BRINP3: variants seen among roughly 807,000 people sequenced by gnomAD.
The protein encoded by BRINP3 is BMP/retinoic acid inducible neural specific 3.
A neutral mutation model predicts 71.0 loss-of-function variants in BRINP3; 19 were observed. The observed-to-expected ratio is 0.27, with a 90% CI of 0.19 to 0.39. The LOEUF (loss-of-function observed/expected upper bound fraction) is 0.39. Ranked by LOEUF, BRINP3 falls within the 10% of genes least tolerant of loss-of-function variation. BRINP3 has a pLI of 1.00. For synonymous variants in BRINP3, 380 were observed against 337.7 expected (o/e 1.13, Z -1.37); for missense variants, 959 against 940.8 (o/e 1.02, Z -0.25).
At chr1:190,450,622 G>A (rs1355381285) in intron 2 of BRINP3, among the ~76,000 whole-genome samples, 2 of 151,904 alleles carry the variant, frequency 1.3e-5, no homozygotes, top group Non-Finnish European at 2.9e-5. Flanking sequence ...AAAAATACTT[G>A]TATTTTAATT....
chr1:190,431,760 C>T (rs1046981943), intron 2 of BRINP3, among the ~76,000 whole-genome samples: 1 of 152,052 alleles, frequency 6.6e-6, no homozygotes, highest in Non-Finnish European at 1.5e-5. Context: ...TGCTCAGAAA[C>T]CGTAGAAGTA....
At chr1:190,284,224 T>A (rs191922216) in intron 2 of BRINP3, among the ~76,000 whole-genome samples, 2 of 152,096 alleles carry the variant, frequency 1.3e-5, no homozygotes, top group Admixed American at 1.3e-4. Flanking sequence ...TCCTCTTAAA[T>A]AAGAACAATA....
intron 2 of BRINP3, among the ~76,000 whole-genome samples, chr1:190,442,221 G>A (rs1364407048): frequency 6.6e-6 from 1 of 152,130 alleles, no homozygotes; most frequent in Non-Finnish European, 1.5e-5. Flanking sequence ...CATTTCGTGA[G>A]AAAATACTTT....
rs533315022 is a variant in BRINP3, at chr1:190,184,590, T to C, written c.962-23700A>G. On this transcript the variant is annotated intron_variant, in intron 6 of 7. Transcript: ENST00000367462. ...ATCATTTCCTTTACAGCAATGTGGA[T>C]GCAGCTGGAGGCCAATACCCTAAGC... 3.9e-5 allele frequency among the ~76,000 whole-genome samples: 6 copies of C among 152,274 alleles called. No individual in the cohort carries two copies. In the South Asian group the frequency reaches 1.2e-3, roughly 32 times the overall value.
At chr1:190,398,679 T>C (rs1303180059) in intron 2 of BRINP3, among the ~76,000 whole-genome samples, 2 of 152,060 alleles carry the variant, frequency 1.3e-5, no homozygotes, top group Non-Finnish European at 2.9e-5. Flanking sequence ...TTACTGGGCA[T>C]CTATGATATG....
At chr1:190,175,085 A>T (rs555193979) in intron 6 of BRINP3, among the ~76,000 whole-genome samples, 2 of 152,268 alleles carry the variant, frequency 1.3e-5, no homozygotes, top group African/African-American at 4.8e-5. Context: ...GGCATTGTGT[A>T]TAAGAAAAGT....
At chr1:190,391,323 G>A (rs922577080) in intron 2 of BRINP3, among the ~76,000 whole-genome samples, 6 of 151,536 alleles carry the variant, frequency 4.0e-5, no homozygotes, top group Admixed American at 6.6e-5. Flanking sequence ...GAGAATATGG[G>A]TTACTCATTT....
At chr1:190,159,446 C>T (rs1005123569) in intron 7 of BRINP3, among the ~76,000 whole-genome samples, 1 of 151,944 alleles carries the variant, frequency 6.6e-6, no homozygotes, top group Non-Finnish European at 1.5e-5. Context: ...TTCATAATAG[C>T]TTAGAAGTAC....
intron 2 of BRINP3, among the ~76,000 whole-genome samples, chr1:190,307,650 T>A (rs893288624): frequency 2.6e-5 from 4 of 151,936 alleles, no homozygotes; most frequent in African/African-American, 9.7e-5. Flanking sequence ...TTTAATTTTT[T>A]TCAAAGTGTA....
intron 1 of BRINP3, among the ~76,000 whole-genome samples, chr1:190,472,117 T>C (rs1677176236): frequency 6.6e-6 from 1 of 151,614 alleles, no homozygotes; most frequent in East Asian, 1.9e-4. Flanking sequence ...ATATATTTTG[T>C]TTTCATAACA....
In BRINP3 at chr1:190,426,893, T is replaced by C. The variant is rs531669415; in HGVS notation, c.236+27762A>G. Among the ~76,000 whole-genome samples, 33 of 151,974 alleles carry C rather than the reference T, an allele frequency of 2.2e-4. 1 individual carries two copies. In the South Asian group the frequency reaches 6.0e-3, roughly 28 times the overall value. Reference sequence around the variant, plus strand: ...TATATCTCTTGGGGAGTCCAAATGATAGTTATTTCAGAGATTAGTATGAGA... The same window carrying C: ...TATATCTCTTGGGGAGTCCAAATGACAGTTATTTCAGAGATTAGTATGAGA... On this transcript the variant is annotated intron_variant, in intron 2 of 7. Transcript: ENST00000367462.
intron 7 of BRINP3, among the ~76,000 whole-genome samples, chr1:190,106,660 ATATT>A (rs1406035116): frequency 3.3e-5 from 5 of 151,440 alleles, no homozygotes; most frequent in South Asian, 2.1e-4. Context: ...TTAAAAACAT[ATATT>A]TATTTATTAT....
chr1:190,446,703 C>CTAG (rs1675243042), intron 2 of BRINP3, among the ~76,000 whole-genome samples: 1 of 152,052 alleles, frequency 6.6e-6, no homozygotes, highest in Admixed American at 6.6e-5. Flanking sequence ...CTACAGACAT[C>CTAG]TAGTTCAGCC....
chr1:190,216,028 AC>A (rs1558073471), intron 6 of BRINP3, among the ~76,000 whole-genome samples: 5 of 151,544 alleles, frequency 3.3e-5, no homozygotes. Flanking sequence ...AAAAAAAAAA[AC>A]AACTGGGGAT....
At chr1:190,393,052 C>T (rs1320437134) in intron 2 of BRINP3, among the ~76,000 whole-genome samples, 3 of 151,254 alleles carry the variant, frequency 2.0e-5, no homozygotes, top group Non-Finnish European at 3.0e-5. Flanking sequence ...TATCTAGAAC[C>T]ATTATATATT....
intron 6 of BRINP3, among the ~76,000 whole-genome samples, chr1:190,191,836 C>T (rs369944201): frequency 2.2e-4 from 33 of 151,886 alleles, no homozygotes; most frequent in Non-Finnish European, 3.5e-4. Context: ...ATTTATGTTT[C>T]GGAAAAAATA....
chr1:190,401,584 T>C (rs549260575), intron 2 of BRINP3, among the ~76,000 whole-genome samples: 3 of 152,062 alleles, frequency 2.0e-5, no homozygotes, highest in Admixed American at 2.0e-4. Context: ...TGCAGACCTA[T>C]GGAATCGGAA....
intron 4 of BRINP3, among the ~76,000 whole-genome samples, chr1:190,243,993 C>A (rs555869724): frequency 5.3e-5 from 8 of 152,164 alleles, no homozygotes; most frequent in African/African-American, 1.9e-4. Flanking sequence ...CCAGATGGGA[C>A]TGTCTAGTGG....
chr1:190,274,055 G>A (rs2102908010), intron 3 of BRINP3, among the ~76,000 whole-genome samples: 2 of 151,620 alleles, frequency 1.3e-5, no homozygotes, highest in South Asian at 4.1e-4. Context: ...TTGATATAAT[G>A]CAAGTTTGGA....
Sources: allele counts gnomAD v4.1 joint callset (sites outside exome capture counted in the v4.1 genomes callset), GRCh38; gene constraint gnomAD v4.1.1; transcripts MANE v1.5; gene names NCBI Gene and HGNC (gene_info 2026-07-23, HGNC 2026-07-21).